Variants in SDK1 observed in about 807,000 individuals in gnomAD.
SDK1 encodes protein sidekick-1.
Under a neutral mutation model 245.5 loss-of-function variants are expected in SDK1, and 157 were observed. The observed-to-expected ratio is 0.64, with a 90% CI of 0.56 to 0.73. SDK1 has a LOEUF of 0.73. Among genes scored for constraint, SDK1 ranks in the 30% least tolerant of loss-of-function variants. SDK1 has a pLI of 0.00. For synonymous variants in SDK1, 1,647 were observed against 1,278.5 expected (o/e 1.29, Z -6.15); for missense variants, 3,583 against 3,002.3 (o/e 1.19, Z -4.52).
intron 5 of SDK1, among the ~76,000 whole-genome samples, chr7:3,832,380 T>A (rs890255744): frequency 6.6e-6 from 1 of 152,240 alleles, no homozygotes; most frequent in Non-Finnish European, 1.5e-5. Context: ...TTGGTAGCAG[T>A]TCAACTCCAC....
Position 3,557,766 on chromosome 7 carries a change from A to T in SDK1, c.299-61314A>T, listed in dbSNP as rs1318694372. Among the ~76,000 whole-genome samples the T allele has an allele frequency of 3.3e-5, 5 of 152,142 alleles. No individual in the cohort carries two copies. The East Asian group carries it at 9.6e-4, about 29-fold the overall frequency. On this transcript the variant is annotated intron_variant, in intron 1 of 44. Coordinates refer to ENST00000404826, the MANE Select transcript of SDK1 (RefSeq NM_152744.4). ...TGTTATTATCTCAGTTAAATTTTCG[A>T]TTAAAAAAAGCTAGCAGCTTGTTAC...
At chr7:3,456,378 A>T (rs1294996565) in intron 1 of SDK1, among the ~76,000 whole-genome samples, 1 of 152,164 alleles carries the variant, frequency 6.6e-6, no homozygotes, top group African/African-American at 2.4e-5. Context: ...TTTGTATTAC[A>T]GGCTCTGAGG....
chr7:4,006,868 T>C (rs1346872893), intron 14 of SDK1, among the ~76,000 whole-genome samples: 3 of 151,946 alleles, frequency 2.0e-5, no homozygotes, highest in African/African-American at 7.3e-5. Context: ...ACACTCGGAG[T>C]GAACAAACAG....
chr7:3,367,406 T>A (rs1188168607), intron 1 of SDK1, among the ~76,000 whole-genome samples: 1 of 152,318 alleles, frequency 6.6e-6, no homozygotes, highest in Non-Finnish European at 1.5e-5. Flanking sequence ...TTTTTTTGAC[T>A]ATATTTCAAG....
intron 1 of SDK1, among the ~76,000 whole-genome samples, chr7:3,505,388 A>G (rs1228473455): frequency 6.6e-6 from 1 of 152,062 alleles, no homozygotes; most frequent in Non-Finnish European, 1.5e-5. Flanking sequence ...AGTAGCTAGG[A>G]CTACAGGTGC....
At chr7:3,373,828 TA>T (rs1781288485) in intron 1 of SDK1, among the ~76,000 whole-genome samples, 1 of 152,286 alleles carries the variant, frequency 6.6e-6, no homozygotes, top group East Asian at 1.9e-4. Flanking sequence ...AGCTTTTGTA[TA>T]TATTAACCAT....
At chr7:4,156,767 T>C (rs1033847285) in intron 30 of SDK1, among the ~76,000 whole-genome samples, 1 of 152,200 alleles carries the variant, frequency 6.6e-6, no homozygotes, top group African/African-American at 2.4e-5. Context: ...TGATGGGGGC[T>C]GTGTGGGCCT....
chr7:3,560,845 T>TGG (rs1207661978), intron 1 of SDK1, among the ~76,000 whole-genome samples: 2 of 152,180 alleles, frequency 1.3e-5, no homozygotes, highest in African/African-American at 4.8e-5. Flanking sequence ...CTGCTGCTTC[T>TGG]GGGGTCTGCA....
chr7:3,965,044 G>A (rs962069653), intron 9 of SDK1, among the ~76,000 whole-genome samples: 3 of 152,186 alleles, frequency 2.0e-5, no homozygotes, highest in South Asian at 4.1e-4. Flanking sequence ...CTTGAGCAGG[G>A]ATTGACAAGC....
chr7:4,059,902 C>T (rs566609678), intron 19 of SDK1, among the ~76,000 whole-genome samples: 9 of 141,814 alleles, frequency 6.3e-5, no homozygotes, highest in East Asian at 2.0e-4. Flanking sequence ...TTTTTTGAGA[C>T]GGAGTCTTGC....
intron 2 of SDK1, among the ~76,000 whole-genome samples, chr7:3,627,545 T>C (rs1215211337): frequency 6.6e-6 from 1 of 152,166 alleles, no homozygotes; most frequent in African/African-American, 2.4e-5. Context: ...AATATAAGCA[T>C]CCAGTCCCAA....
chr7:3,567,828 C>G (rs973606287), intron 1 of SDK1, among the ~76,000 whole-genome samples: 13 of 151,992 alleles, frequency 8.6e-5, no homozygotes, highest in Admixed American at 4.6e-4. Context: ...TATTTTTCTT[C>G]TAAGGCAGGG....
chr7:3,348,384 A>G (rs967124808), intron 1 of SDK1, among the ~76,000 whole-genome samples: 1 of 152,210 alleles, frequency 6.6e-6, no homozygotes, highest in African/African-American at 2.4e-5. Context: ...AGCCATAAAA[A>G]GGAACAAAAT....
intron 1 of SDK1, among the ~76,000 whole-genome samples, chr7:3,367,227 T>C (rs1781116258): frequency 6.6e-6 from 1 of 152,234 alleles, no homozygotes; most frequent in African/African-American, 2.4e-5. Context: ...TTTATATTTG[T>C]AATTTGTCAT....
At chr7:3,544,375 G>A (rs970219190) in intron 1 of SDK1, among the ~76,000 whole-genome samples, 7 of 152,208 alleles carry the variant, frequency 4.6e-5, no homozygotes, top group African/African-American at 1.7e-4. Flanking sequence ...GACCTCTAGC[G>A]ACCTCACAGG....
At chr7:4,152,463 G>A (rs186193785) in intron 30 of SDK1, among the ~76,000 whole-genome samples, 1 of 152,302 alleles carries the variant, frequency 6.6e-6, no homozygotes, top group East Asian at 1.9e-4. Flanking sequence ...CACCCTTTGT[G>A]TAACCATCTA....
intron 1 of SDK1, among the ~76,000 whole-genome samples, chr7:3,573,851 A>G (rs898399566): frequency 1.3e-5 from 2 of 151,966 alleles, no homozygotes; most frequent in African/African-American, 4.8e-5. Context: ...TTCTCCTTCC[A>G]GTACTCATTA....
chr7:4,069,540 C>T (rs1178751849), intron 20 of SDK1, among the ~76,000 whole-genome samples: 1 of 152,224 alleles, frequency 6.6e-6, no homozygotes, highest in South Asian at 2.1e-4. Context: ...TCCGTGGTGG[C>T]AGCGTTCTCA....
At chr7:3,562,288 A>G (rs962825169) in intron 1 of SDK1, among the ~76,000 whole-genome samples, 2 of 152,162 alleles carry the variant, frequency 1.3e-5, no homozygotes, top group Non-Finnish European at 2.9e-5. Context: ...TTAAGATAAC[A>G]TTTTATTTTC....
Sources: allele counts gnomAD v4.1 joint callset (sites outside exome capture counted in the v4.1 genomes callset), GRCh38; gene constraint gnomAD v4.1.1; transcripts MANE v1.5; gene names NCBI Gene and HGNC (gene_info 2026-07-23, HGNC 2026-07-21).